The following SMOC2 variants were observed in gnomAD, a reference collection of about 807,000 sequenced individuals.
The protein encoded by SMOC2 is SPARC related modular calcium binding 2.
In SMOC2, 39 loss-of-function variants were observed where a neutral mutation model predicts 61.4. The observed-to-expected ratio is 0.64, with a 90% confidence interval of 0.49 to 0.83. The LOEUF (loss-of-function observed/expected upper bound fraction) is 0.83. Ranked by LOEUF, SMOC2 falls within the 40% of genes least tolerant of loss-of-function variation. SMOC2 has a pLI of 0.00. For synonymous variants in SMOC2, 247 were observed against 239.9 expected, an observed-to-expected ratio of 1.03 and a Z score of -0.27; for missense variants, 556 against 592.9, an observed-to-expected ratio of 0.94 and a Z score of 0.65.
chr6:168,623,542 G>A (rs1208363197), intron 9 of SMOC2, among the ~76,000 whole-genome samples: 2 of 151,768 alleles, frequency 1.3e-5, no homozygotes, highest in Non-Finnish European at 2.9e-5. Flanking sequence ...CACCATGTTG[G>A]CTAGGCTGGT....
At chr6:168,664,174 A>G in intron 12 of SMOC2, 63 bp downstream of exon 12, 1 of 1,333,692 alleles carries the variant, frequency 7.5e-7, no homozygotes, top group Non-Finnish European at 1.1e-6. Flanking sequence ...ATAAAAATTC[A>G]GAGTTATGTA....
chr6:168,539,328 G>A (rs1783822751), intron 4 of SMOC2, among the ~76,000 whole-genome samples: 1 of 152,182 alleles, frequency 6.6e-6, no homozygotes, highest in Non-Finnish European at 1.5e-5. Context: ...ATCCCCACGG[G>A]GCTGGCCGGC....
At chr6:168,521,921 GTTC>G (rs1389221744) in intron 2 of SMOC2, among the ~76,000 whole-genome samples, 1 of 152,122 alleles carries the variant, frequency 6.6e-6, no homozygotes, top group Non-Finnish European at 1.5e-5. Context: ...GCAATGATGA[GTTC>G]TTTCTTTATA....
In SMOC2 at chr6:168,650,672, GT is replaced by G; in HGVS notation, c.908-4del. On this transcript the variant is annotated splice_polypyrimidine_tract_variant and splice_region_variant and intron_variant, in intron 9 of 12. Transcript: ENST00000356284. ...GAGTTAATTATGAAAACATACACGT[GT>G]TTTTCAGGTTGTCCGGGTGCCAAAA... 2 of 1,612,288 alleles carry G rather than the reference GT, an allele frequency of 1.2e-6. No homozygotes were observed. Among genetic ancestry groups the G allele is most frequent in the South Asian group, 1.1e-5 (1 of 90,936 alleles).
intron 7 of SMOC2, among the ~76,000 whole-genome samples, chr6:168,559,233 A>G: frequency 6.6e-6 from 1 of 152,108 alleles, no homozygotes; most frequent in Non-Finnish European, 1.5e-5. Context: ...AGGTGGGTGG[A>G]TCACCTGAGG....
intron 11 of SMOC2, among the ~76,000 whole-genome samples, chr6:168,662,956 G>A (rs561684611): frequency 6.6e-6 from 1 of 152,220 alleles, no homozygotes; most frequent in South Asian, 2.1e-4. Flanking sequence ...AATGAGTCCA[G>A]TTGGGTCCTG....
At chr6:168,560,477 C>CT (rs1784376384) in intron 7 of SMOC2, among the ~76,000 whole-genome samples, 1 of 152,178 alleles carries the variant, frequency 6.6e-6, no homozygotes, top group Admixed American at 6.5e-5. Flanking sequence ...AATGCGTCCT[C>CT]TGTGCCCACC....
At chr6:168,518,135 G>A (rs1783189733) in intron 2 of SMOC2, among the ~76,000 whole-genome samples, 2 of 152,238 alleles carry the variant, frequency 1.3e-5, no homozygotes, top group Admixed American at 1.3e-4. Context: ...TGGAGGAAGC[G>A]GGAGTCGCGA....
chr6:168,587,435 G>T (rs1231112865), intron 7 of SMOC2, among the ~76,000 whole-genome samples: 2 of 152,210 alleles, frequency 1.3e-5, no homozygotes, highest in African/African-American at 4.8e-5. Flanking sequence ...TTGGTTTCAT[G>T]TGTGAGACAT....
intron 7 of SMOC2, among the ~76,000 whole-genome samples, chr6:168,578,124 T>G (rs1307681598): frequency 6.6e-6 from 1 of 152,228 alleles, no homozygotes; most frequent in East Asian, 1.9e-4. Flanking sequence ...ACAATCACCG[T>G]GCATTTGCAC....
At chr6:168,665,331 G>C (rs953315496) in intron 12 of SMOC2, 2 of 152,924 alleles carry the variant, frequency 1.3e-5, no homozygotes, top group Admixed American at 6.5e-5. Context: ...CTTTCATGCT[G>C]TGGCTATGTC....
intron 1 of SMOC2, among the ~76,000 whole-genome samples, chr6:168,506,076 A>G (rs1345316115): frequency 6.6e-6 from 1 of 151,786 alleles, no homozygotes; most frequent in African/African-American, 2.4e-5. Context: ...GCGTAGTCAT[A>G]GCTCACTGCA....
intron 1 of SMOC2, among the ~76,000 whole-genome samples, chr6:168,507,168 GAT>G (rs1174491254): frequency 6.6e-6 from 1 of 152,124 alleles, no homozygotes; most frequent in Non-Finnish European, 1.5e-5. Flanking sequence ...TAGAGAAAAT[GAT>G]AATTACAGCG....
chr6:168,489,601 A>G (rs1054820477), intron 1 of SMOC2, among the ~76,000 whole-genome samples: 4 of 131,144 alleles, frequency 3.1e-5, no homozygotes, highest in Admixed American at 1.5e-4. Context: ...GAAATATATC[A>G]AATTGTCTGG....
At chr6:168,463,335 T>C (rs1324754263) in intron 1 of SMOC2, among the ~76,000 whole-genome samples, 1 of 152,208 alleles carries the variant, frequency 6.6e-6, no homozygotes, top group Non-Finnish European at 1.5e-5. Flanking sequence ...TAGAAAGCTA[T>C]CCTGAAGCAG....
intron 7 of SMOC2, among the ~76,000 whole-genome samples, chr6:168,567,146 G>A (rs914302875): frequency 6.6e-6 from 1 of 152,026 alleles, no homozygotes; most frequent in African/African-American, 2.4e-5. Flanking sequence ...GTATGAGTTT[G>A]TATCAGAAAA....
intron 7 of SMOC2, among the ~76,000 whole-genome samples, chr6:168,559,867 C>G (rs181123693): frequency 2.0e-3 from 307 of 152,334 alleles, no homozygotes; most frequent in African/African-American, 7.2e-3. Context: ...TCATCTTTCT[C>G]TGTAGTCACC....
rs183818909 is a variant in SMOC2 at position 168,655,856 on chromosome 6, A to T, written c.1285+2628A>T. Among the ~76,000 whole-genome samples the T allele has an allele frequency of 1.5e-3, 233 of 151,000 alleles. 5 individuals carry two copies. In the Middle Eastern group the frequency reaches 0.021, roughly 14 times the overall value. On this transcript the variant is annotated intron_variant, in intron 11 of 12. Coordinates refer to ENST00000356284, the MANE Select transcript of SMOC2 (RefSeq NM_001166412.2). Reference sequence around the variant, plus strand: ...AGATCTCACTGCACGTATGTGCTCGATCCCTTGCATGTGTGAGCTAGATCC... The same window carrying T: ...AGATCTCACTGCACGTATGTGCTCGTTCCCTTGCATGTGTGAGCTAGATCC...
chr6:168,456,360 C>T (rs1055438015), intron 1 of SMOC2, among the ~76,000 whole-genome samples: 14 of 152,158 alleles, frequency 9.2e-5, no homozygotes, highest in East Asian at 3.9e-4. Flanking sequence ...GGCAGGTGGC[C>T]GCGGCCATTC....
Sources: allele counts gnomAD v4.1 joint callset (sites outside exome capture counted in the v4.1 genomes callset), GRCh38; gene constraint gnomAD v4.1.1; transcripts MANE v1.5; gene names NCBI Gene and HGNC (gene_info 2026-07-23, HGNC 2026-07-21).